The following GLIS3 variants were observed in gnomAD, a reference collection of about 807,000 sequenced individuals.
The protein encoded by GLIS3 is GLIS family zinc finger 3.
A neutral mutation model predicts 78.6 loss-of-function variants in GLIS3; 53 were observed. The observed-to-expected ratio is 0.67, with a 90% confidence interval of 0.54 to 0.85. GLIS3 has a LOEUF of 0.85. GLIS3 is among the 40% of genes least tolerant of loss of function. The probability of loss-of-function intolerance (pLI) is 0.00; values close to 1 mark genes in which losing one functional copy is unlikely to be tolerated. For synonymous variants in GLIS3, 684 were observed against 509.9 expected (o/e 1.34, Z -4.60); for missense variants, 1,703 against 1,231.1 (o/e 1.38, Z -5.74).
At chr9:4,174,812 T>A (rs1399639066) in intron 2 of GLIS3, among the ~76,000 whole-genome samples, 1 of 152,252 alleles carries the variant, frequency 6.6e-6, no homozygotes, top group Non-Finnish European at 1.5e-5. Flanking sequence ...CACTTTTAAT[T>A]ATTTAATGAT....
At chr9:3,967,988 G>A (rs1818086310) in intron 4 of GLIS3, among the ~76,000 whole-genome samples, 2 of 152,152 alleles carry the variant, frequency 1.3e-5, no homozygotes, top group Admixed American at 1.3e-4. Context: ...TTCAAAAACT[G>A]GAATTACATT....
intron 9 of GLIS3, among the ~76,000 whole-genome samples, chr9:3,839,984 A>G (rs78408658): frequency 0.01 from 1,592 of 152,260 alleles, 33 homozygotes; most frequent in African/African-American, 0.037. Context: ...ATTTCCATCC[A>G]TTGCATTAAC....
the GLIS3 span, among the ~76,000 whole-genome samples, chr9:4,358,990 C>G: frequency 0.43 from 65,698 of 151,952 alleles, 14,653 homozygotes; most frequent in Admixed American, 0.48. Flanking sequence ...TAGTCCCATC[C>G]TCAGCAATCC....
intron 4 of GLIS3, chr9:4,054,519 G>C (rs1825978873): frequency 7.1e-6 from 7 of 984,840 alleles, no homozygotes; most frequent in Non-Finnish European, 7.2e-6. Flanking sequence ...GCAGTCTACA[G>C]AGAAGGAGGC....
intron 2 of GLIS3, among the ~76,000 whole-genome samples, chr9:4,153,654 T>C (rs1384793712): frequency 1.3e-5 from 2 of 152,176 alleles, no homozygotes; most frequent in Non-Finnish European, 1.5e-5. Flanking sequence ...ACCTCAAATA[T>C]ATAGTAAAGT....
At chr9:4,114,857 G>T (rs1340891775) in intron 4 of GLIS3, among the ~76,000 whole-genome samples, 1 of 151,388 alleles carries the variant, frequency 6.6e-6, no homozygotes, top group African/African-American at 2.4e-5. Context: ...AAAAGGAAAA[G>T]AACCCATTCT....
the GLIS3 span, among the ~76,000 whole-genome samples, chr9:4,423,891 T>G: frequency 1.3e-5 from 2 of 152,154 alleles, no homozygotes; most frequent in Non-Finnish European, 2.9e-5. Flanking sequence ...TTGCTAAACT[T>G]TAATCTGTAG....
intron 4 of GLIS3, among the ~76,000 whole-genome samples, chr9:3,996,567 G>A (rs1306661232): frequency 2.0e-5 from 3 of 152,082 alleles, no homozygotes; most frequent in Non-Finnish European, 4.4e-5. Flanking sequence ...GTTTTTCAAA[G>A]GAAATTCATA....
At chr9:4,230,592 G>C (rs923857783) in intron 2 of GLIS3, among the ~76,000 whole-genome samples, 1 of 152,120 alleles carries the variant, frequency 6.6e-6, no homozygotes, top group Non-Finnish European at 1.5e-5. Context: ...CAGGTTTTCT[G>C]CTTACTCGAT....
At chr9:3,898,617 G>T in intron 7 of GLIS3, 74 bp downstream of exon 7, 1 of 1,587,386 alleles carries the variant, frequency 6.3e-7, no homozygotes, top group East Asian at 2.2e-5. Context: ...TTTCTCACGT[G>T]AGCATTCCTT....
At chr9:3,920,346 G>T (rs111470985) in intron 6 of GLIS3, among the ~76,000 whole-genome samples, 14,121 of 152,132 alleles carry the variant, frequency 0.093, 734 homozygotes, top group East Asian at 0.15. Context: ...TCTTGCTTTT[G>T]GTGATGGTTG....
intron 9 of GLIS3, among the ~76,000 whole-genome samples, chr9:3,848,460 C>T (rs1341636058): frequency 1.3e-5 from 2 of 152,316 alleles, no homozygotes; most frequent in East Asian, 3.9e-4. Context: ...CGAGATCGCC[C>T]CACTGCACTC....
chr9:4,445,732 A>G, the GLIS3 span, among the ~76,000 whole-genome samples: 1 of 152,222 alleles, frequency 6.6e-6, no homozygotes, highest in African/African-American at 2.4e-5. Flanking sequence ...TGGACACAGC[A>G]TGTTAGGCGC....
chr9:4,035,664 T>C (rs1158853785), intron 4 of GLIS3, among the ~76,000 whole-genome samples: 1 of 152,074 alleles, frequency 6.6e-6, no homozygotes, highest in Non-Finnish European at 1.5e-5. Context: ...CAGAATAAGC[T>C]TCCCAAAGCA....
intron 2 of GLIS3, among the ~76,000 whole-genome samples, chr9:4,145,900 A>G (rs1051035598): frequency 3.9e-5 from 6 of 152,208 alleles, no homozygotes; most frequent in Admixed American, 1.3e-4. Flanking sequence ...ATGATAAACT[A>G]CAAAATATAG....
chr9:4,100,178 G>A (rs1030733668), intron 4 of GLIS3, among the ~76,000 whole-genome samples: 2 of 152,170 alleles, frequency 1.3e-5, no homozygotes, highest in African/African-American at 4.8e-5. Flanking sequence ...ACAGAAACCA[G>A]AACAGGTGGT....
At chr9:4,028,573 A>G (rs1263563625) in intron 4 of GLIS3, among the ~76,000 whole-genome samples, 1 of 152,212 alleles carries the variant, frequency 6.6e-6, no homozygotes, top group African/African-American at 2.4e-5. Context: ...ACAAAGTGAC[A>G]TACCTGTGTA....
At chr9:4,279,792 T>A (rs1479249368) in intron 2 of GLIS3, among the ~76,000 whole-genome samples, 1 of 152,004 alleles carries the variant, frequency 6.6e-6, no homozygotes, top group African/African-American at 2.4e-5. Context: ...GTATCATTCC[T>A]TTACTTAGGT....
Position 3,984,825 on chromosome 9 carries a change from C to T in GLIS3, c.1711-47636G>A, listed in dbSNP as rs180884266. 1.6e-4 allele frequency among the ~76,000 whole-genome samples: 24 copies of T among 152,202 alleles called. No individual in the cohort carries two copies. In the East Asian group the frequency reaches 2.3e-3, roughly 15 times the overall value. On this transcript the variant is annotated intron_variant, in intron 4 of 10. Transcript: ENST00000381971. ...GTGGGAAGTGATTGAATTGTGGGGG[C>T]GTGTCTTCCCTGCACTGTTCTCGTA...
Sources: allele counts gnomAD v4.1 joint callset (sites outside exome capture counted in the v4.1 genomes callset), GRCh38; gene constraint gnomAD v4.1.1; transcripts MANE v1.5; gene names NCBI Gene and HGNC (gene_info 2026-07-23, HGNC 2026-07-21).